Variants in CDK15 observed in about 807,000 individuals in gnomAD.
CDK15 encodes cyclin dependent kinase 15, also known as cyclin-dependent kinase 15.
CDK15 carries 62 observed loss-of-function variants against 60.3 expected under a neutral mutation model. That is an observed-to-expected ratio of 1.03 (90% confidence interval 0.84 to 1.27). The LOEUF (loss-of-function observed/expected upper bound fraction) is 1.27. Among genes scored for constraint, CDK15 ranks in the 50% most tolerant of loss-of-function variants. The pLI is 0.00. For missense variants in CDK15, 541 were observed against 527.8 expected (o/e 1.03, Z -0.25); for synonymous variants, 194 against 195.7 (o/e 0.99, Z 0.07).
chr2:201,892,594 G>A (rs949914289), intron 13 of CDK15, among the ~76,000 whole-genome samples: 1 of 152,198 alleles, frequency 6.6e-6, no homozygotes, highest in Non-Finnish European at 1.5e-5. Flanking sequence ...GCCTCTGCTG[G>A]AGTAAGCTCA....
intron 8 of CDK15, among the ~76,000 whole-genome samples, chr2:201,842,127 A>G (rs1164896188): frequency 6.6e-6 from 1 of 152,166 alleles, no homozygotes; most frequent in East Asian, 1.9e-4. Context: ...CTCTGCACGT[A>G]TTAAATGATA....
intron 4 of CDK15, among the ~76,000 whole-genome samples, chr2:201,818,283 A>G (rs1696076725): frequency 6.6e-6 from 1 of 152,196 alleles, no homozygotes; most frequent in South Asian, 2.1e-4. Flanking sequence ...GGACTTGGAG[A>G]ATCAGCTTTC....
intron 10 of CDK15, among the ~76,000 whole-genome samples, chr2:201,856,404 T>C (rs917087445): frequency 2.0e-5 from 3 of 152,216 alleles, no homozygotes; most frequent in Admixed American, 6.5e-5. Context: ...TATCTATTGC[T>C]AAAAGGCCTT....
At chr2:201,878,013 T>G (rs1699144112) in intron 11 of CDK15, among the ~76,000 whole-genome samples, 1 of 152,214 alleles carries the variant, frequency 6.6e-6, no homozygotes, top group South Asian at 2.1e-4. Context: ...TTTAAGTCAG[T>G]AGGTGTATTT....
intron 10 of CDK15, among the ~76,000 whole-genome samples, chr2:201,856,059 C>T (rs1296064912): frequency 6.6e-6 from 1 of 152,058 alleles, no homozygotes; most frequent in African/African-American, 2.4e-5. Flanking sequence ...AACTCCTGAC[C>T]TCAGGTGATC....
chr2:201,872,171 AT>A, intron 10 of CDK15, 106 bp from the exon 11 acceptor site: 10 of 1,191,690 alleles, frequency 8.4e-6, no homozygotes, highest in East Asian at 2.3e-5. Flanking sequence ...TACTTGAATC[AT>A]TTTTTTAAAC....
rs535163624 is a variant in CDK15 at position 201,807,910 on chromosome 2, TG to T, written c.329del (p.Gly110ValfsTer15). On this transcript the variant is annotated frameshift_variant, in exon 3 of 14. Coordinates refer to ENST00000652192, the MANE Select transcript of CDK15 (RefSeq NM_001366386.2). LOFTEE classifies it high-confidence loss of function. ...TCATCTTACTTGAACTTGGAGAAGCTGGGTGAAGGCTCTTATGCGACAGTTT... is the reference window on the plus strand; with the variant it reads ...TCATCTTACTTGAACTTGGAGAAGCTGGTGAAGGCTCTTATGCGACAGTTT... ...AASSYLNLEK[L>X]GEGSYATVYK... The T allele has an allele frequency of 9.9e-4, 1,593 of 1,614,160 alleles. 3 individuals carry two copies. The highest frequency in any genetic ancestry group is 1.1e-3 in the Non-Finnish European group (1,295 of 1,180,026).
chr2:201,851,291 C>CAA (rs1176883047), intron 9 of CDK15, among the ~76,000 whole-genome samples: 305 of 27,722 alleles, frequency 0.011, 34 homozygotes, highest in African/African-American at 0.014. Context: ...GACTTCATCT[C>CAA]AAAAAAAAAA....
intron 8 of CDK15, 137 bp from the exon 9 acceptor site, chr2:201,847,244 G>T: frequency 9.5e-6 from 7 of 736,570 alleles, no homozygotes; most frequent in African/African-American, 1.8e-5. Context: ...CTTTTTTTTT[G>T]GCCCAAGACT....
chr2:201,884,668 C>T (rs2105839384), intron 12 of CDK15, among the ~76,000 whole-genome samples: 1 of 152,276 alleles, frequency 6.6e-6, no homozygotes, highest in East Asian at 1.9e-4. Context: ...CTGTTTCTCC[C>T]ACTTTTTAGT....
At chr2:201,861,385 A>G (rs865843397) in intron 10 of CDK15, 1 of 985,526 alleles carries the variant, frequency 1.0e-6, no homozygotes, top group Middle Eastern at 5.2e-4. Flanking sequence ...AATGGCTGAA[A>G]TCTGCATCCA....
rs1559110715 is a variant in CDK15 at position 201,807,621 on chromosome 2, A to T, written c.251A>T (p.Asp84Val). Residue 84 changes from aspartate (D) to valine (V), a missense_variant, in exon 2 of 14, where the codon GAT becomes GTT. Coordinates refer to ENST00000652192, the MANE Select transcript of CDK15 (RefSeq NM_001366386.2). Reference sequence around the variant, plus strand: ...AACAGTGATTGTTTTCAGGAAGAGGATCTGAGGCAGGGTTTTCAGTGGGTG... The same window carrying T: ...AACAGTGATTGTTTTCAGGAAGAGGTTCTGAGGCAGGGTTTTCAGTGGGTG... ...RSNSDCFQEE[D>V]LRQGFQWRKS... 2 of 1,614,042 alleles carry T rather than the reference A, an allele frequency of 1.2e-6. No homozygotes were observed. The highest frequency in any genetic ancestry group is 8.5e-7 in the Non-Finnish European group (1 of 1,180,038).
chr2:201,888,275 A>G (rs1402992876), intron 12 of CDK15, among the ~76,000 whole-genome samples: 1 of 152,188 alleles, frequency 6.6e-6, no homozygotes, highest in Non-Finnish European at 1.5e-5. Flanking sequence ...GACAGCCAAC[A>G]GCCATGAGCT....
Position 201,890,354 on chromosome 2 carries a change from T to G in CDK15, c.1199-431T>G, listed in dbSNP as rs532509125. Among the ~76,000 whole-genome samples the G allele has an allele frequency of 4.6e-5, 7 of 152,330 alleles. No individual in the cohort carries two copies. In the South Asian group the frequency reaches 1.4e-3, roughly 32 times the overall value. ...ATCCCTCAACCGGGAATATCCTCCTTGGCAGTCCTTCACTATTGAGGGCAT... is the reference window on the plus strand; with the variant it reads ...ATCCCTCAACCGGGAATATCCTCCTGGGCAGTCCTTCACTATTGAGGGCAT... On this transcript the variant is annotated intron_variant, in intron 12 of 13. Coordinates refer to ENST00000652192, the MANE Select transcript of CDK15 (RefSeq NM_001366386.2).
chr2:201,876,497 G>A, intron 11 of CDK15: 2 of 965,734 alleles, frequency 2.1e-6, no homozygotes, highest in Non-Finnish European at 2.9e-6. Flanking sequence ...CTTGTACAGG[G>A]GAGACCGACA....
At chr2:201,891,222 G>A (rs556869677) in intron 13 of CDK15, among the ~76,000 whole-genome samples, 23 of 152,270 alleles carry the variant, frequency 1.5e-4, no homozygotes, top group African/African-American at 5.3e-4. Flanking sequence ...CAGGTGGGAC[G>A]AAGGGAGGCA....
chr2:201,868,244 A>T (rs1421846041), intron 10 of CDK15, among the ~76,000 whole-genome samples: 1 of 152,208 alleles, frequency 6.6e-6, no homozygotes, highest in African/African-American at 2.4e-5. Context: ...AGACAGAGTG[A>T]AGAAATTTTT....
intron 4 of CDK15, 36 bp downstream of exon 4, chr2:201,812,598 T>C (rs367750767): frequency 2.1e-6 from 3 of 1,435,818 alleles, no homozygotes; most frequent in Non-Finnish European, 2.0e-6. Flanking sequence ...TAGATCTGTT[T>C]TGAGTCCTTG....
intron 10 of CDK15, among the ~76,000 whole-genome samples, chr2:201,869,467 A>G (rs949560300): frequency 1.3e-5 from 2 of 152,062 alleles, no homozygotes; most frequent in Admixed American, 6.6e-5. Flanking sequence ...AACATGGCGC[A>G]TGTATACCTG....
Sources: allele counts gnomAD v4.1 joint callset (sites outside exome capture counted in the v4.1 genomes callset), GRCh38; gene constraint gnomAD v4.1.1; transcripts MANE v1.5; gene names NCBI Gene and HGNC (gene_info 2026-07-23, HGNC 2026-07-21).